IL1RAP: variants seen among roughly 807,000 people sequenced by gnomAD.
IL1RAP encodes the protein interleukin 1 receptor accessory protein, also known as interleukin-1 receptor accessory protein.
Under a neutral mutation model 60.7 loss-of-function variants are expected in IL1RAP, and 35 were observed. That is an observed-to-expected ratio of 0.58 (90% CI 0.44 to 0.76). The LOEUF is 0.76. Ranked by LOEUF, IL1RAP falls within the 30% of genes least tolerant of loss-of-function variation. The pLI is 0.00. For missense variants in IL1RAP, 572 were observed against 693.9 expected, an observed-to-expected ratio of 0.82 and a Z score of 1.97; for synonymous variants, 268 against 250.9, an observed-to-expected ratio of 1.07 and a Z score of -0.64.
chr3:190,656,350 C>T (rs986057465), downstream of IL1RAP: 23 of 1,537,170 alleles, frequency 1.5e-5, no homozygotes, highest in Non-Finnish European at 1.8e-5. Context: ...GTCCAAGCAC[C>T]GAGGGAAGTC....
At chr3:190,564,517 G>A in intron 3 of IL1RAP, 164 bp downstream of exon 3, 1 of 636,042 alleles carries the variant, frequency 1.6e-6, no homozygotes, top group Non-Finnish European at 2.8e-6. Flanking sequence ...TTTGATGATG[G>A]AAAGAACCAT....
At chr3:190,579,876 G>A (rs1727838276) in intron 3 of IL1RAP, among the ~76,000 whole-genome samples, 1 of 152,118 alleles carries the variant, frequency 6.6e-6, no homozygotes, top group Non-Finnish European at 1.5e-5. Context: ...TTAATGCAAT[G>A]TTTTCAAGGT....
chr3:190,586,034 C>T (rs1354731836), intron 3 of IL1RAP, among the ~76,000 whole-genome samples: 1 of 152,050 alleles, frequency 6.6e-6, no homozygotes, highest in African/African-American at 2.4e-5. Context: ...GGACTCCTCC[C>T]CTTGGAGGAG....
intron 4 of IL1RAP, 67 bp downstream of exon 4, chr3:190,604,480 C>A: frequency 2.0e-6 from 3 of 1,514,176 alleles, no homozygotes; most frequent in East Asian, 2.3e-5. Context: ...CCGGATGATC[C>A]GTGTGCTAGG....
At position 190,648,529 on chromosome 3, in the gene IL1RAP, G is replaced by T; in HGVS notation, c.1537G>T (p.Glu513Ter). Residue 513 changes from glutamate (E) to a stop codon, truncating the protein, a stop_gained, in exon 12 of 12, where the codon GAG (glutamate) becomes TAG (stop). Transcript: ENST00000447382. LOFTEE classifies it high-confidence loss of function. ...YKAVKETKVK[E>*]LKRAKTVLTV... ...AGCTGTGAAGGAAACGAAGGTGAAA[G>T]AGCTGAAGAGGGCTAAGACGGTGCT... 1.9e-6 allele frequency: 3 copies of T among 1,614,130 alleles called. No homozygotes were observed. Among genetic ancestry groups the T allele is most frequent in the Non-Finnish European group, 2.5e-6 (3 of 1,180,026 alleles).
intron 3 of IL1RAP, among the ~76,000 whole-genome samples, chr3:190,580,770 C>G (rs79959019): frequency 6.6e-6 from 1 of 152,126 alleles, no homozygotes; most frequent in African/African-American, 2.4e-5. Flanking sequence ...CTTAAGAACT[C>G]GCTAGGAAAT....
Position 190,580,299 on chromosome 3 carries a change from T to C in IL1RAP, c.64+15946T>C, listed in dbSNP as rs148280364. ...CAACTGATTTCAGCTCTTGTGTATC[T>C]CGTGTTCAACTCTTATGCTCAACTG... is the stretch of plus-strand genomic sequence containing the variant. On this transcript the variant is annotated intron_variant, in intron 3 of 11. Transcript: ENST00000447382. Among the ~76,000 whole-genome samples the C allele has an allele frequency of 9.4e-3, 1,427 of 152,344 alleles. 16 individuals carry two copies. Among genetic ancestry groups the C allele is most frequent in the African/African-American group, 0.032 (1,341 of 41,574 alleles).
chr3:190,587,843 A>C (rs894645996), intron 3 of IL1RAP, among the ~76,000 whole-genome samples: 1 of 152,228 alleles, frequency 6.6e-6, no homozygotes, highest in Non-Finnish European at 1.5e-5. Flanking sequence ...ACTGCTGCCC[A>C]ATAGCTCTGT....
intron 5 of IL1RAP, among the ~76,000 whole-genome samples, chr3:190,613,701 C>T (rs142051412): frequency 1.8e-4 from 27 of 152,134 alleles, no homozygotes; most frequent in African/African-American, 3.6e-4. Context: ...GGCATGGTGG[C>T]GCACACCTGT....
At chr3:190,626,950 G>A (rs2108811031) in intron 7 of IL1RAP, among the ~76,000 whole-genome samples, 2 of 152,240 alleles carry the variant, frequency 1.3e-5, no homozygotes, top group South Asian at 2.1e-4. Flanking sequence ...GATTACAGGT[G>A]TGAGCCACTA....
chr3:190,593,379 G>A (rs778038483), intron 3 of IL1RAP, among the ~76,000 whole-genome samples: 4 of 152,166 alleles, frequency 2.6e-5, no homozygotes, highest in Non-Finnish European at 4.4e-5. Flanking sequence ...GTCAGTGAAT[G>A]TGAATTTTCA....
chr3:190,607,974 G>A (rs558821533), intron 4 of IL1RAP, among the ~76,000 whole-genome samples: 3 of 152,202 alleles, frequency 2.0e-5, no homozygotes, highest in South Asian at 2.1e-4. Context: ...AAACAAAGGC[G>A]TTTTATGATC....
chr3:190,564,493 C>T (rs1726195427), intron 3 of IL1RAP, 140 bp downstream of exon 3: 2 of 669,796 alleles, frequency 3.0e-6, no homozygotes, highest in Non-Finnish European at 5.4e-6. Flanking sequence ...AATCATAAAG[C>T]AGAATAATAG....
At chr3:190,645,260 A>G (rs1733934800) in intron 10 of IL1RAP, among the ~76,000 whole-genome samples, 1 of 152,226 alleles carries the variant, frequency 6.6e-6, no homozygotes, top group Non-Finnish European at 1.5e-5. Flanking sequence ...GGTCCATTAA[A>G]TCTAATTATA....
At chr3:190,566,079 T>G (rs904469387) in intron 3 of IL1RAP, among the ~76,000 whole-genome samples, 4 of 152,040 alleles carry the variant, frequency 2.6e-5, no homozygotes, top group Non-Finnish European at 5.9e-5. Flanking sequence ...TCTCTCCATC[T>G]CTTTTTCTTC....
intron 3 of IL1RAP, among the ~76,000 whole-genome samples, chr3:190,578,715 G>GCATTTATA (rs1201894999): frequency 6.6e-6 from 1 of 152,212 alleles, no homozygotes; most frequent in African/African-American, 2.4e-5. Context: ...TAAAGCAAGA[G>GCATTTATA]AGGTTTAATG....
At chr3:190,538,128 C>T (rs1284365591) in intron 1 of IL1RAP, among the ~76,000 whole-genome samples, 3 of 152,130 alleles carry the variant, frequency 2.0e-5, no homozygotes, top group African/African-American at 7.2e-5. Flanking sequence ...ACCCTCCCTA[C>T]CACTATTAGC....
intron 9 of IL1RAP, chr3:190,630,239 A>T: frequency 1.2e-6 from 1 of 848,614 alleles, no homozygotes; most frequent in Non-Finnish European, 1.4e-6. Context: ...TTATTCTACA[A>T]TAAATGGAAA....
chr3:190,517,235 TACTA>T (rs1452335999), intron 1 of IL1RAP, among the ~76,000 whole-genome samples: 6 of 152,132 alleles, frequency 3.9e-5, no homozygotes, highest in South Asian at 2.1e-4. Flanking sequence ...AGAGAAAGGG[TACTA>T]ACTAAGAAGA....
Sources: gnomAD v4.1 joint callset for allele counts (sites outside exome capture counted in the v4.1 genomes callset) on GRCh38, gnomAD v4.1.1 for gene constraint, MANE v1.5 for transcripts, NCBI Gene and HGNC (gene_info 2026-07-23, HGNC 2026-07-21) for gene names.